SPIDR: variants seen among roughly 807,000 people sequenced by gnomAD.
SPIDR encodes the protein DNA repair-scaffolding protein.
Under a neutral mutation model 104.6 loss-of-function variants are expected in SPIDR, and 93 were observed. The observed-to-expected ratio is 0.89, with a 90% confidence interval of 0.75 to 1.06. SPIDR has a LOEUF of 1.06. Among genes scored for constraint, SPIDR ranks in the 50% least tolerant of loss-of-function variants. The probability of loss-of-function intolerance (pLI) is 0.00; values close to 1 mark genes in which losing one functional copy is unlikely to be tolerated. For missense variants in SPIDR, 1,154 were observed against 1,111.2 expected (o/e 1.04, Z -0.55); for synonymous variants, 431 against 416.9 (o/e 1.03, Z -0.41).
At chr8:47,459,557 C>T (rs782640396) in intron 8 of SPIDR, among the ~76,000 whole-genome samples, 1 of 151,894 alleles carries the variant, frequency 6.6e-6, no homozygotes. Flanking sequence ...AATGATCTGT[C>T]AGTTTATCTT....
chr8:47,464,656 T>C (rs1324007567), intron 8 of SPIDR, among the ~76,000 whole-genome samples: 2 of 150,224 alleles, frequency 1.3e-5, no homozygotes, highest in Non-Finnish European at 3.0e-5. Flanking sequence ...TTGTCTTGTC[T>C]AGTCCTGTCC....
At chr8:47,346,913 T>C (rs945335778) in intron 5 of SPIDR, among the ~76,000 whole-genome samples, 1 of 152,162 alleles carries the variant, frequency 6.6e-6, no homozygotes, top group South Asian at 2.1e-4. Context: ...GCCCCTGGAT[T>C]CATTGATTTT....
In SPIDR at chr8:47,502,833, T is replaced by G. The variant is rs542014650; in HGVS notation, c.1097+62291T>G. Reference sequence around the variant, plus strand: ...ATATGTCCCAGAGATTCTGGTATGTTGTGTCTTTGTTCTCATTGGTTTCAA... The same window carrying G: ...ATATGTCCCAGAGATTCTGGTATGTGGTGTCTTTGTTCTCATTGGTTTCAA... On this transcript the variant is annotated intron_variant, in intron 8 of 19. Transcript: ENST00000297423. Among the ~76,000 whole-genome samples, 421 of 152,364 alleles carry G rather than the reference T, an allele frequency of 2.8e-3. 1 individual carries two copies. The highest frequency in any genetic ancestry group is 9.9e-3 in the African/African-American group (411 of 41,592).
intron 5 of SPIDR, among the ~76,000 whole-genome samples, chr8:47,375,491 C>T (rs896971378): frequency 2.0e-5 from 3 of 152,052 alleles, no homozygotes; most frequent in Admixed American, 1.3e-4. Flanking sequence ...CTGCCCGCCT[C>T]GGCCTCCCAA....
At chr8:47,526,970 A>G (rs901688818) in intron 8 of SPIDR, among the ~76,000 whole-genome samples, 1 of 152,200 alleles carries the variant, frequency 6.6e-6, no homozygotes, top group African/African-American at 2.4e-5. Context: ...GAAGCAGCCT[A>G]AGAAAACTTC....
chr8:47,694,902 CATCTATA>C (rs2079125050), intron 11 of SPIDR, among the ~76,000 whole-genome samples: 1 of 151,992 alleles, frequency 6.6e-6, no homozygotes, highest in African/African-American at 2.4e-5. Context: ...TACCTAAAAG[CATCTATA>C]ATCAACCTAT....
chr8:47,699,388 A>G (rs1434336390), intron 11 of SPIDR, among the ~76,000 whole-genome samples: 1 of 152,182 alleles, frequency 6.6e-6, no homozygotes, highest in African/African-American at 2.4e-5. Context: ...CTTAAGCAAG[A>G]TGAGTTTCTT....
intron 5 of SPIDR, among the ~76,000 whole-genome samples, chr8:47,392,201 A>T (rs1554652636): frequency 6.6e-6 from 1 of 152,102 alleles, no homozygotes; most frequent in Non-Finnish European, 1.5e-5. Context: ...AAACAACCTC[A>T]TCAAAGAAAC....
At chr8:47,722,439 A>T (rs2083536065) in intron 16 of SPIDR, among the ~76,000 whole-genome samples, 1 of 152,218 alleles carries the variant, frequency 6.6e-6, no homozygotes, top group Non-Finnish European at 1.5e-5. Flanking sequence ...CCCTGTTCTT[A>T]ATCTTAAGGG....
At chr8:47,315,494 C>A (rs2045161749) in intron 5 of SPIDR, among the ~76,000 whole-genome samples, 1 of 152,116 alleles carries the variant, frequency 6.6e-6, no homozygotes, top group African/African-American at 2.4e-5. Context: ...TGGTTCAAAT[C>A]ATTTTCTTAG....
chr8:47,275,215 C>T (rs1381717977), intron 1 of SPIDR, among the ~76,000 whole-genome samples: 7 of 151,390 alleles, frequency 4.6e-5, no homozygotes, highest in East Asian at 3.9e-4. Flanking sequence ...GCCCAGATTG[C>T]GCCACTGCAC....
intron 7 of SPIDR, among the ~76,000 whole-genome samples, chr8:47,439,038 G>C (rs949311024): frequency 6.6e-6 from 1 of 152,066 alleles, no homozygotes; most frequent in Non-Finnish European, 1.5e-5. Context: ...CTTCATTTTT[G>C]TTGTTCTCAG....
In SPIDR at chr8:47,396,494, A is replaced by T; in HGVS notation, c.644A>T (p.Asp215Val). 2 of 1,614,178 alleles carry T rather than the reference A, an allele frequency of 1.2e-6. No homozygotes were observed. The highest frequency in any genetic ancestry group is 1.7e-4 in the Middle Eastern group (1 of 6,060). Reference sequence around the variant, plus strand: ...AAATACCACGTGCAGTTTGCATCGGATGCAAGACAGATTATGGAGAGACTG... The same window carrying T: ...AAATACCACGTGCAGTTTGCATCGGTTGCAAGACAGATTATGGAGAGACTG... ...PHKYHVQFAS[D>V]ARQIMERLID... The change falls in exon 6 of 20, where the codon GAT becomes GTT. Residue 215 changes from aspartate to valine, a missense_variant. By Grantham distance (152) the Asp-to-Val change is radical. Coordinates refer to ENST00000297423, the MANE Select transcript of SPIDR (RefSeq NM_001080394.4).
intron 10 of SPIDR, among the ~76,000 whole-genome samples, chr8:47,645,464 A>G (rs981066641): frequency 6.6e-6 from 1 of 152,142 alleles, no homozygotes; most frequent in African/African-American, 2.4e-5. Flanking sequence ...TAAGACACCA[A>G]GCTGAAGGAG....
chr8:47,346,587 T>C (rs1470564672), intron 5 of SPIDR, among the ~76,000 whole-genome samples: 6 of 152,228 alleles, frequency 3.9e-5, no homozygotes, highest in South Asian at 2.1e-4. Flanking sequence ...GTTGTGAATC[T>C]GTCTGGTCCT....
At chr8:47,691,767 G>A (rs2078688360) in intron 11 of SPIDR, among the ~76,000 whole-genome samples, 1 of 152,214 alleles carries the variant, frequency 6.6e-6, no homozygotes, top group Non-Finnish European at 1.5e-5. Context: ...ACCCGCTCCT[G>A]TGGCTTAGCA....
chr8:47,666,891 C>A (rs1374563179), intron 10 of SPIDR, among the ~76,000 whole-genome samples: 1 of 152,054 alleles, frequency 6.6e-6, no homozygotes, highest in African/African-American at 2.4e-5. Flanking sequence ...TTTAAAATAT[C>A]TACAACTGAT....
chr8:47,262,839 G>T (rs1194715550), intron 1 of SPIDR, among the ~76,000 whole-genome samples: 1 of 152,192 alleles, frequency 6.6e-6, no homozygotes, highest in Non-Finnish European at 1.5e-5. Context: ...AGTCTCAAAA[G>T]TACTTAATGG....
chr8:47,558,929 G>A (rs368590286), intron 8 of SPIDR, among the ~76,000 whole-genome samples: 46 of 152,282 alleles, frequency 3.0e-4, no homozygotes, highest in African/African-American at 1.1e-3. Context: ...GTGAGCCACC[G>A]CACCAGCCCA....
Sources: allele counts gnomAD v4.1 joint callset (sites outside exome capture counted in the v4.1 genomes callset), GRCh38; gene constraint gnomAD v4.1.1; transcripts MANE v1.5; gene names NCBI Gene and HGNC (gene_info 2026-07-23, HGNC 2026-07-21).